The following PREP variants were observed in gnomAD, a reference collection of about 807,000 sequenced individuals.
PREP encodes dJ355L5.1 (prolyl endopeptidase).
Under a neutral mutation model 87.6 loss-of-function variants are expected in PREP, and 29 were observed. The ratio of observed to expected loss-of-function variants is 0.33; its 90% CI spans 0.25 to 0.45. The LOEUF is 0.45. PREP is among the 20% of genes least tolerant of loss of function. The pLI is 1.00. For synonymous variants in PREP, 337 were observed against 328.6 expected (o/e 1.03, Z -0.28); for missense variants, 695 against 886.5 (o/e 0.78, Z 2.74).
At chr6:105,330,932 C>T (rs1276712222) in intron 8 of PREP, among the ~76,000 whole-genome samples, 2 of 152,128 alleles carry the variant, frequency 1.3e-5, no homozygotes, top group Non-Finnish European at 2.9e-5. Context: ...CTCAATCAGG[C>T]AACATATTTC....
intron 10 of PREP, among the ~76,000 whole-genome samples, chr6:105,304,152 A>T (rs564788506): frequency 6.6e-6 from 1 of 152,368 alleles, no homozygotes; most frequent in African/African-American, 2.4e-5. Flanking sequence ...AACAATAAAA[A>T]ATTTAAAGAA....
intron 6 of PREP, among the ~76,000 whole-genome samples, chr6:105,364,879 A>G (rs535960291): frequency 6.4e-4 from 98 of 152,334 alleles, no homozygotes; most frequent in African/African-American, 2.1e-3. Context: ...ACTGGACTAA[A>G]AGCAAGTACT....
At chr6:105,348,107 G>C (rs1771845819) in intron 7 of PREP, among the ~76,000 whole-genome samples, 1 of 152,124 alleles carries the variant, frequency 6.6e-6, no homozygotes, top group Admixed American at 6.6e-5. Flanking sequence ...TGCTAGCCTG[G>C]TGTCTTTAAT....
At chr6:105,392,522 T>G (rs978431476) in intron 2 of PREP, among the ~76,000 whole-genome samples, 1 of 152,192 alleles carries the variant, frequency 6.6e-6, no homozygotes, top group East Asian at 1.9e-4. Flanking sequence ...ACCTTACTTT[T>G]GGCGTTTAGT....
intron 12 of PREP, among the ~76,000 whole-genome samples, chr6:105,283,129 C>T (rs1297657899): frequency 4.6e-5 from 7 of 152,174 alleles, no homozygotes; most frequent in African/African-American, 1.7e-4. Flanking sequence ...AAAGAAATTC[C>T]CCAGTCTTGC....
At chr6:105,363,917 A>G (rs556139073) in intron 6 of PREP, among the ~76,000 whole-genome samples, 2 of 152,290 alleles carry the variant, frequency 1.3e-5, no homozygotes, top group South Asian at 4.1e-4. Flanking sequence ...AGAGTTTCCT[A>G]AAATCGAGGG....
chr6:105,369,580 T>C (rs915350323), intron 5 of PREP, among the ~76,000 whole-genome samples: 6 of 152,152 alleles, frequency 3.9e-5, no homozygotes, highest in African/African-American at 1.4e-4. Context: ...GTGATCAAGA[T>C]AATGTGGTAT....
intron 2 of PREP, among the ~76,000 whole-genome samples, chr6:105,397,404 G>C (rs917917624): frequency 6.6e-6 from 1 of 152,056 alleles, no homozygotes; most frequent in African/African-American, 2.4e-5. Context: ...TTGTTTCACT[G>C]TTGTTGTGTT....
intron 10 of PREP, among the ~76,000 whole-genome samples, chr6:105,296,323 T>C (rs549147899): frequency 2.0e-5 from 3 of 152,268 alleles, no homozygotes; most frequent in South Asian, 2.1e-4. Context: ...TTATCTTACA[T>C]TGAAGGGTAG....
At chr6:105,302,167 C>T (rs1770549551) in intron 10 of PREP, among the ~76,000 whole-genome samples, 1 of 152,096 alleles carries the variant, frequency 6.6e-6, no homozygotes, top group South Asian at 2.1e-4. Context: ...TGAAGGAACC[C>T]TGCTACACGC....
chr6:105,310,935 CCACTGCCAACT>C (rs761678600), intron 10 of PREP, among the ~76,000 whole-genome samples: 9 of 152,168 alleles, frequency 5.9e-5, no homozygotes, highest in Non-Finnish European at 1.3e-4. Flanking sequence ...CCTACACAAC[CCACTGCCAACT>C]CACTGATAAA....
intron 10 of PREP, among the ~76,000 whole-genome samples, chr6:105,319,926 T>C (rs892203924): frequency 7.9e-5 from 12 of 152,240 alleles, no homozygotes; most frequent in African/African-American, 2.2e-4. Flanking sequence ...TGGAATTTCT[T>C]TGTATTCAAA....
chr6:105,347,062 A>G (rs546755057), intron 7 of PREP, among the ~76,000 whole-genome samples: 1 of 152,324 alleles, frequency 6.6e-6, no homozygotes, highest in Non-Finnish European at 1.5e-5. Context: ...ATGTATTCAG[A>G]ACAGGGACTA....
intron 11 of PREP, among the ~76,000 whole-genome samples, chr6:105,285,799 A>G (rs1309600670): frequency 6.6e-6 from 1 of 152,170 alleles, no homozygotes; most frequent in Non-Finnish European, 1.5e-5. Context: ...TTTTTGAGAC[A>G]GAGTCTCACT....
chr6:105,326,806 G>C (rs1771171584), intron 9 of PREP, among the ~76,000 whole-genome samples: 1 of 152,312 alleles, frequency 6.6e-6, no homozygotes, highest in Non-Finnish European at 1.5e-5. Flanking sequence ...GAAAAATGGA[G>C]GCAAAACTAG....
intron 2 of PREP, among the ~76,000 whole-genome samples, chr6:105,393,495 C>G (rs1291597062): frequency 2.0e-5 from 3 of 152,126 alleles, no homozygotes; most frequent in East Asian, 3.8e-4. Flanking sequence ...TACAAGGCAA[C>G]ACACAATTCA....
At chr6:105,342,814 A>G (rs945946644) in intron 7 of PREP, among the ~76,000 whole-genome samples, 1 of 152,244 alleles carries the variant, frequency 6.6e-6, no homozygotes. Context: ...TAGGAATCCA[A>G]CTTACAAGGG....
At chr6:105,376,997 C>G (rs1772702441) in intron 3 of PREP, among the ~76,000 whole-genome samples, 1 of 152,140 alleles carries the variant, frequency 6.6e-6, no homozygotes, top group Non-Finnish European at 1.5e-5. Flanking sequence ...TGAATTCACC[C>G]ATTTCACCAT....
At chr6:105,354,768 G>A (rs566673914) in intron 6 of PREP, among the ~76,000 whole-genome samples, 33 of 152,108 alleles carry the variant, frequency 2.2e-4, no homozygotes, top group Non-Finnish European at 4.6e-4. Context: ...ACAATCACAT[G>A]AGCCAATTCC....
Sources: gnomAD v4.1 joint callset for allele counts (sites outside exome capture counted in the v4.1 genomes callset) on GRCh38, gnomAD v4.1.1 for gene constraint, MANE v1.5 for transcripts, NCBI Gene and HGNC (gene_info 2026-07-23, HGNC 2026-07-21) for gene names.